The following DENND2B variants were observed in gnomAD, a reference collection of about 807,000 sequenced individuals.
DENND2B encodes the protein DENN domain-containing protein 2B.
In DENND2B, 32 loss-of-function variants were observed where a neutral mutation model predicts 116.0. The observed-to-expected ratio is 0.28, with a 90% CI of 0.21 to 0.37. DENND2B has a LOEUF of 0.37. DENND2B is among the 10% of genes least tolerant of loss of function. DENND2B has a pLI of 1.00. For missense variants in DENND2B, 1,276 were observed against 1,477.7 expected, an observed-to-expected ratio of 0.86 and a Z score of 2.24; for synonymous variants, 588 against 583.9, an observed-to-expected ratio of 1.01 and a Z score of -0.10.
intron 3 of DENND2B, among the ~76,000 whole-genome samples, chr11:8,850,453 T>G (rs949467404): frequency 1.3e-5 from 2 of 151,474 alleles, no homozygotes; most frequent in Admixed American, 6.6e-5. Flanking sequence ...ATGTTCAACA[T>G]CACTAATCAT....
chr11:8,821,413 C>T (rs2134545954), intron 4 of DENND2B, among the ~76,000 whole-genome samples: 1 of 138,814 alleles, frequency 7.2e-6, no homozygotes, highest in Admixed American at 8.2e-5. Flanking sequence ...ACATAGAGAC[C>T]TTGTCTCTAC....
intron 9 of DENND2B, chr11:8,711,883 A>T (rs2043778420): frequency 2.6e-6 from 1 of 389,842 alleles, no homozygotes; most frequent in Admixed American, 3.2e-5. Context: ...AAAAAATAAA[A>T]TAATAAGCAG....
At chr11:8,815,846 T>C (rs1268359607) in intron 4 of DENND2B, among the ~76,000 whole-genome samples, 3 of 152,192 alleles carry the variant, frequency 2.0e-5, no homozygotes, top group Admixed American at 2.0e-4. Flanking sequence ...AAACGAATCA[T>C]TGAAAAGACT....
chr11:8,890,214 A>G (rs1415516828), intron 1 of DENND2B, among the ~76,000 whole-genome samples: 1 of 152,262 alleles, frequency 6.6e-6, no homozygotes, highest in East Asian at 1.9e-4. Flanking sequence ...ACAAACAGAA[A>G]GGACATCCAC....
chr11:8,867,440 C>A (rs1231148114), intron 2 of DENND2B, among the ~76,000 whole-genome samples: 1 of 152,080 alleles, frequency 6.6e-6, no homozygotes, highest in Admixed American at 6.5e-5. Context: ...CGCAGGAACT[C>A]TACAAAGGCC....
At chr11:8,887,218 T>C (rs1403209351) in intron 1 of DENND2B, among the ~76,000 whole-genome samples, 1 of 152,246 alleles carries the variant, frequency 6.6e-6, no homozygotes. Flanking sequence ...CTTACATTTA[T>C]ATAGCAAATA....
intron 1 of DENND2B, among the ~76,000 whole-genome samples, chr11:8,905,162 A>G (rs1220965707): frequency 2.6e-5 from 4 of 152,120 alleles, no homozygotes; most frequent in African/African-American, 9.6e-5. Context: ...AACTACAATA[A>G]TCAATACAGT....
At chr11:8,751,420 G>A (rs1453126897) in intron 1 of DENND2B, among the ~76,000 whole-genome samples, 1 of 152,122 alleles carries the variant, frequency 6.6e-6, no homozygotes, top group Non-Finnish European at 1.5e-5. Context: ...ACCCACTCGG[G>A]TCCCCTTCCA....
intron 4 of DENND2B, chr11:8,830,599 T>C (rs1267252398): frequency 6.6e-6 from 1 of 152,186 alleles, no homozygotes; most frequent in East Asian, 1.9e-4. Flanking sequence ...CTTTGTTATC[T>C]CTCCAGCCCT....
At chr11:8,751,308 G>A (rs1236479695) in intron 1 of DENND2B, among the ~76,000 whole-genome samples, 1 of 152,132 alleles carries the variant, frequency 6.6e-6, no homozygotes, top group African/African-American at 2.4e-5. Context: ...TCAGCTCTCT[G>A]TAAAACAGAC....
At chr11:8,788,441 T>C (rs2059106880) in intron 1 of DENND2B, among the ~76,000 whole-genome samples, 1 of 152,178 alleles carries the variant, frequency 6.6e-6, no homozygotes, top group Non-Finnish European at 1.5e-5. Context: ...TTTAAAACTG[T>C]TTAGAATGGT....
chr11:8,710,793 ACC>A, intron 11 of DENND2B, 50 bp downstream of exon 11: 11 of 1,323,028 alleles, frequency 8.3e-6, no homozygotes, highest in Admixed American at 1.7e-5. Flanking sequence ...ACACACACAC[ACC>A]CTGGCCTATC....
chr11:8,824,355 C>T (rs2061887835), intron 4 of DENND2B, among the ~76,000 whole-genome samples: 1 of 152,020 alleles, frequency 6.6e-6, no homozygotes, highest in African/African-American at 2.4e-5. Flanking sequence ...TCCTCCCACC[C>T]TTCACCCTCA....
rs556780220 is a variant in DENND2B at position 8,810,178 on chromosome 11, A to AC, written c.-26+338dup. 161 of 152,006 alleles carry AC rather than the reference A, an allele frequency of 1.1e-3. 1 individual carries two copies. Among genetic ancestry groups the AC allele is most frequent in the African/African-American group, 3.7e-3 (152 of 41,444 alleles). The allele number at this position is 152,006 out of a possible 1,614,324, so 9.4% of individuals were successfully genotyped here. A position where few individuals can be genotyped will look rare whatever the true frequency, so the allele number is the denominator to read the frequency against. On this transcript the variant is annotated intron_variant, in intron 1 of 19. Transcript: ENST00000313726. ...TTTCCCTGTAAGAACTACAAACACC[A>AC]CGGGAGTGATGTTAACTCAGATTTT... is the stretch of plus-strand genomic sequence containing the variant.
At chr11:8,776,150 G>GCT in intron 1 of DENND2B, 1 of 288,964 alleles carries the variant, frequency 3.5e-6, no homozygotes, top group Non-Finnish European at 7.1e-6. Flanking sequence ...GTGCGCGCAC[G>GCT]CGCGCGCGCG....
chr11:8,813,403 A>AC (rs1491358524), upstream of DENND2B, among the ~76,000 whole-genome samples: 1 of 151,942 alleles, frequency 6.6e-6, no homozygotes, highest in Non-Finnish European at 1.5e-5. Context: ...AAAGACAAAG[A>AC]AAGACAAGAC....
At chr11:8,787,497 C>T (rs1434213157) in intron 1 of DENND2B, among the ~76,000 whole-genome samples, 1 of 152,190 alleles carries the variant, frequency 6.6e-6, no homozygotes, top group East Asian at 1.9e-4. Context: ...TTCTGCTGCA[C>T]ACACACCAGT....
At chr11:8,906,208 T>C (rs1297274419) in intron 1 of DENND2B, among the ~76,000 whole-genome samples, 8 of 142,296 alleles carry the variant, frequency 5.6e-5, no homozygotes, top group African/African-American at 2.0e-4. Flanking sequence ...TTTTTTTCTT[T>C]TTTTTTTTTT....
intron 11 of DENND2B, 51 bp downstream of exon 11, chr11:8,710,794 C>CACACACACT: frequency 7.2e-7 from 1 of 1,391,206 alleles, no homozygotes; most frequent in Non-Finnish European, 1.0e-6. Context: ...CACACACACA[C>CACACACACT]CCTGGCCTAT....
Sources: allele counts gnomAD v4.1 joint callset (sites outside exome capture counted in the v4.1 genomes callset), GRCh38; gene constraint gnomAD v4.1.1; transcripts MANE v1.5; gene names NCBI Gene and HGNC (gene_info 2026-07-23, HGNC 2026-07-21).